The following ICOS variants were observed in gnomAD, a reference collection of about 807,000 sequenced individuals.
ICOS encodes inducible T cell costimulator, also known as inducible T-cell costimulator.
A neutral mutation model predicts 24.6 loss-of-function variants in ICOS; 15 were observed. That is an observed-to-expected ratio of 0.61 (90% confidence interval 0.41 to 0.94). The LOEUF (loss-of-function observed/expected upper bound fraction) is 0.94. Ranked by LOEUF, ICOS falls within the 40% of genes least tolerant of loss-of-function variation. The pLI is 0.00. For missense variants in ICOS, 200 were observed against 233.0 expected (o/e 0.86, Z 0.92); for synonymous variants, 89 against 77.5 (o/e 1.15, Z -0.78).
chr2:203,956,112 T>C (rs1690075074), intron 2 of ICOS, 141 bp downstream of exon 2: 6 of 634,216 alleles, frequency 9.5e-6, no homozygotes, highest in Non-Finnish European at 1.4e-5. Context: ...TCATTTATAA[T>C]GAAGATATAC....
rs1690153032 is a variant in ICOS, at chr2:203,960,207, C to G, written c.*608C>G. On this transcript the variant is annotated 3_prime_UTR_variant, in exon 5 of 5. Coordinates refer to ENST00000316386, the MANE Select transcript of ICOS (RefSeq NM_012092.4). The stretch of plus-strand genomic sequence containing the variant: ...GACTTTAGATGCTTTCTTGTGCCCT[C>G]AATTTTCTTTTTAAAAATACTTCTA... 1.9e-5 allele frequency: 3 copies of G among 161,010 alleles called. No homozygotes were observed. The allele number at this position is 161,010 out of a possible 1,614,324, so 10.0% of individuals were successfully genotyped here. A position where few individuals can be genotyped will look rare whatever the true frequency, so the allele number is the denominator to read the frequency against.
At chr2:203,958,720 A>G (rs1212050509) in intron 4 of ICOS, among the ~76,000 whole-genome samples, 1 of 152,184 alleles carries the variant, frequency 6.6e-6, no homozygotes, top group African/African-American at 2.4e-5. Context: ...CATGTTTTAG[A>G]TGACAGAAAT....
In ICOS at chr2:203,955,671, A is replaced by G. The variant is rs750601214; in HGVS notation, c.94A>G (p.Ile32Val). ...TGGTTCTGCCAATTATGAGATGTTT[A>G]TATTTCACAACGGAGGTGTACAAAT... ...INGSANYEMF[I>V]FHNGGVQILC... Residue 32 changes from isoleucine to valine, a missense_variant, in exon 2 of 5, where the codon ATA (isoleucine) becomes GTA (valine). Transcript: ENST00000316386. The G allele has an allele frequency of 4.3e-6, 7 of 1,613,342 alleles. No individual in the cohort carries two copies. The Admixed American group carries it at 6.7e-5, about 15-fold the overall frequency.
intron 1 of ICOS, among the ~76,000 whole-genome samples, chr2:203,940,374 C>T (rs1056536362): frequency 6.6e-6 from 1 of 152,204 alleles, no homozygotes; most frequent in Non-Finnish European, 1.5e-5. Context: ...ACATCACATA[C>T]GTTCAATGAC....
Position 203,936,915 on chromosome 2 carries a change from G to A in ICOS, c.58+43G>A, listed in dbSNP as rs374712555. The A allele has an allele frequency of 6.9e-4, 983 of 1,421,596 alleles. 1 individual carries two copies. The highest frequency in any genetic ancestry group is 7.6e-4 in the Non-Finnish European group (766 of 1,009,764). The allele number at this position is 1,421,596 out of a possible 1,614,324, so 88.1% of individuals were successfully genotyped here. ...TATTTCTTATTAAGTTATAATTCAA[G>A]TAAACATTAAGAAAAAGCAAAGGTA... is the stretch of plus-strand genomic sequence containing the variant. On this transcript the variant is annotated intron_variant, in intron 1 of 4. Coordinates refer to ENST00000316386, the MANE Select transcript of ICOS (RefSeq NM_012092.4).
In ICOS at chr2:203,955,935, A is replaced by G; in HGVS notation, c.358A>G (p.Lys120Glu). ...ATCAATTTTTGATCCTCCTCCTTTTAAAGTAACTCTTACAGGAGGATATTT... is the reference window on the plus strand; with the variant it reads ...ATCAATTTTTGATCCTCCTCCTTTTGAAGTAACTCTTACAGGAGGATATTT... The part of the protein sequence containing the change: ...NLSIFDPPPF[K>E]VTLTGGYLHI... The change falls in exon 2 of 5, where the codon AAA (lysine) becomes GAA (glutamate). Residue 120 changes from lysine to glutamate, a missense_variant. Physicochemically the swap from Lys to Glu is moderately conservative, Grantham distance 56 (BLOSUM62 1). Transcript: ENST00000316386. The G allele has an allele frequency of 6.2e-7, 1 of 1,612,344 alleles. No individual in the cohort carries two copies. The highest frequency in any genetic ancestry group is 8.5e-7 in the Non-Finnish European group (1 of 1,178,706).
At chr2:203,944,662 AT>A (rs906083036) in intron 1 of ICOS, among the ~76,000 whole-genome samples, 1 of 152,078 alleles carries the variant, frequency 6.6e-6, no homozygotes, top group South Asian at 2.1e-4. Context: ...AGGTCCTGGG[AT>A]TTTTTAGGCA....
intron 1 of ICOS, among the ~76,000 whole-genome samples, chr2:203,947,422 C>A (rs1413924886): frequency 6.6e-6 from 1 of 152,120 alleles, no homozygotes; most frequent in African/African-American, 2.4e-5. Flanking sequence ...GATTCTCCTG[C>A]CTCAGCCTCC....
intron 1 of ICOS, among the ~76,000 whole-genome samples, chr2:203,955,313 C>T (rs990345300): frequency 6.6e-6 from 1 of 152,166 alleles, no homozygotes; most frequent in African/African-American, 2.4e-5. Flanking sequence ...CCTTTACCAT[C>T]TGCCTCCAAT....
At chr2:203,941,961 C>A (rs1581599943) in intron 1 of ICOS, among the ~76,000 whole-genome samples, 1 of 151,852 alleles carries the variant, frequency 6.6e-6, no homozygotes, top group South Asian at 2.1e-4. Context: ...TCATGTATAA[C>A]ATAATGATGC....
chr2:203,955,062 A>G (rs991016731), intron 1 of ICOS, among the ~76,000 whole-genome samples: 3 of 151,908 alleles, frequency 2.0e-5, no homozygotes. Flanking sequence ...CAGGTAGACA[A>G]TTCCTTCTCC....
intron 1 of ICOS, among the ~76,000 whole-genome samples, chr2:203,949,943 A>G (rs1030700155): frequency 6.6e-6 from 1 of 152,372 alleles, no homozygotes; most frequent in African/African-American, 2.4e-5. Flanking sequence ...TTGCAGTTAT[A>G]AGAAACTAAC....
intron 1 of ICOS, among the ~76,000 whole-genome samples, chr2:203,953,322 C>A (rs929215237): frequency 1.4e-4 from 22 of 152,186 alleles, no homozygotes; most frequent in Non-Finnish European, 4.4e-5. Flanking sequence ...CTGGTTCTCT[C>A]TTCAAATTTA....
At chr2:203,957,376 G>T (rs750706499) in intron 3 of ICOS, among the ~76,000 whole-genome samples, 3 of 151,922 alleles carry the variant, frequency 2.0e-5, no homozygotes, top group Admixed American at 6.6e-5. Context: ...TGTGCTGGGG[G>T]ATATTCTTTT....
At chr2:203,952,339 G>A (rs1369074110) in intron 1 of ICOS, among the ~76,000 whole-genome samples, 4 of 152,144 alleles carry the variant, frequency 2.6e-5, no homozygotes, top group Non-Finnish European at 5.9e-5. Context: ...TCTAGACAAT[G>A]TGCTCTATAT....
At chr2:203,956,616 T>G in intron 2 of ICOS, 43 bp from the exon 3 acceptor site, 1 of 1,336,878 alleles carries the variant, frequency 7.5e-7, no homozygotes. Context: ...GAACTTGTGG[T>G]TCAGCAGAAT....
intron 1 of ICOS, among the ~76,000 whole-genome samples, chr2:203,946,612 C>T (rs1232499340): frequency 6.6e-6 from 1 of 152,078 alleles, no homozygotes; most frequent in East Asian, 1.9e-4. Flanking sequence ...AGCTGGTAGA[C>T]TCATAAGACA....
At position 203,959,811 on chromosome 2, in the gene ICOS, C is replaced by T. The variant is rs1412120514; in HGVS notation, c.*212C>T. 1.6e-6 allele frequency: 1 copy of T among 627,848 alleles called. No individual in the cohort carries two copies. Among genetic ancestry groups the T allele is most frequent in the Non-Finnish European group, 2.9e-6 (1 of 347,136 alleles). The allele number at this position is 627,848 out of a possible 1,614,324, so 38.9% of individuals were successfully genotyped here. On this transcript the variant is annotated 3_prime_UTR_variant, in exon 5 of 5. Coordinates refer to ENST00000316386, the MANE Select transcript of ICOS (RefSeq NM_012092.4). ...CTGCCGAGTCCTCTCAAAACAAACA[C>T]CCTCTTGCAACCAGCTTTGGAGAAA... is the stretch of plus-strand genomic sequence containing the variant.
In ICOS at chr2:203,959,630, C is replaced by T. The variant is rs559764386; in HGVS notation, c.*31C>T. On this transcript the variant is annotated 3_prime_UTR_variant, in exon 5 of 5. Transcript: ENST00000316386. ...AACTCTGGCACCCAGGCATGAAGCACGTTGGCCAGTTTTCCTCAACTTGAA... is the reference window on the plus strand; with the variant it reads ...AACTCTGGCACCCAGGCATGAAGCATGTTGGCCAGTTTTCCTCAACTTGAA... The T allele has an allele frequency of 2.0e-5, 33 of 1,610,126 alleles. No homozygotes were observed. Among genetic ancestry groups the T allele is most frequent in the East Asian group, 8.9e-5 (4 of 44,864 alleles).
Sources: gnomAD v4.1 joint callset for allele counts (sites outside exome capture counted in the v4.1 genomes callset) on GRCh38, gnomAD v4.1.1 for gene constraint, MANE v1.5 for transcripts, NCBI Gene and HGNC (gene_info 2026-07-23, HGNC 2026-07-21) for gene names.